The following CNTNAP5 variants were observed in gnomAD, a reference collection of about 807,000 sequenced individuals.
The protein encoded by CNTNAP5 is contactin associated protein family member 5, also known as contactin-associated protein-like 5.
Under a neutral mutation model 150.2 loss-of-function variants are expected in CNTNAP5, and 72 were observed. The ratio of observed to expected loss-of-function variants is 0.48; its 90% confidence interval spans 0.40 to 0.58. The LOEUF (loss-of-function observed/expected upper bound fraction) is 0.58. Ranked by LOEUF, CNTNAP5 falls within the 20% of genes least tolerant of loss-of-function variation. The pLI is 0.00. For missense variants in CNTNAP5, 1,636 were observed against 1,626.2 expected (o/e 1.01, Z -0.10); for synonymous variants, 672 against 619.8 (o/e 1.08, Z -1.25).
In CNTNAP5 at chr2:124,918,320, C is replaced by A. The variant is rs139077320; in HGVS notation, c.*4032C>A. Among the ~76,000 whole-genome samples, 279 of 152,140 alleles carry A rather than the reference C, an allele frequency of 1.8e-3. 2 individuals carry two copies. The highest frequency in any genetic ancestry group is 6.4e-3 in the African/African-American group (264 of 41,536). ...AAAACCCTCCTTAGTCCTGATGAGC[C>A]ATTTTGACTCTACATAACATTTCTG... On this transcript the variant is annotated 3_prime_UTR_variant, in exon 24 of 24. Transcript: ENST00000682447.
chr2:124,430,871 C>T (rs576359848), intron 4 of CNTNAP5, among the ~76,000 whole-genome samples: 9 of 152,302 alleles, frequency 5.9e-5, no homozygotes, highest in Admixed American at 3.9e-4. Flanking sequence ...TGAAAATCTT[C>T]ACTACTGAGT....
chr2:124,445,011 CCTTTAAA>C (rs1398741160), intron 5 of CNTNAP5, among the ~76,000 whole-genome samples: 2 of 152,008 alleles, frequency 1.3e-5, no homozygotes, highest in Non-Finnish European at 2.9e-5. Flanking sequence ...GGACAGTATA[CCTTTAAA>C]CTCTATGTCT....
Position 124,767,418 on chromosome 2 carries a change from T to C in CNTNAP5, c.2533+3271T>C, listed in dbSNP as rs181990431. On this transcript the variant is annotated intron_variant, in intron 16 of 23. Coordinates refer to ENST00000682447, the MANE Select transcript of CNTNAP5 (RefSeq NM_001367498.1). ...TGTTTTAGTGGGCCTGTGAAAACGA[T>C]AACTATTTTGATACCTATCTCACAA... 1.4e-3 allele frequency among the ~76,000 whole-genome samples: 210 copies of C among 152,316 alleles called. 1 individual carries two copies. The highest frequency in any genetic ancestry group is 4.7e-3 in the African/African-American group (197 of 41,580).
intron 3 of CNTNAP5, among the ~76,000 whole-genome samples, chr2:124,389,709 G>A (rs1460947048): frequency 1.3e-5 from 2 of 152,162 alleles, no homozygotes; most frequent in African/African-American, 4.8e-5. Flanking sequence ...GCTCATGCCT[G>A]TAATCCTAGC....
At chr2:124,519,674 C>A (rs1694809798) in intron 8 of CNTNAP5, among the ~76,000 whole-genome samples, 1 of 152,208 alleles carries the variant, frequency 6.6e-6, no homozygotes, top group African/African-American at 2.4e-5. Context: ...AAGTGCCTGG[C>A]ACATTATAGG....
intron 8 of CNTNAP5, among the ~76,000 whole-genome samples, chr2:124,504,937 ACCTTGTGATCTGCCCG>A (rs1694369166): frequency 1.3e-5 from 2 of 152,006 alleles, no homozygotes; most frequent in African/African-American, 4.8e-5. Flanking sequence ...GCATCTCTTG[ACCTTGTGATCTGCCCG>A]CCTTGGGCTC....
chr2:124,795,829 T>G (rs1681833510), intron 18 of CNTNAP5, among the ~76,000 whole-genome samples: 1 of 152,116 alleles, frequency 6.6e-6, no homozygotes, highest in African/African-American at 2.4e-5. Context: ...GGTGTTTGTT[T>G]TTTTTAAAAT....
At chr2:124,815,557 C>G (rs1016760968) in intron 19 of CNTNAP5, among the ~76,000 whole-genome samples, 2 of 152,156 alleles carry the variant, frequency 1.3e-5, no homozygotes, top group African/African-American at 4.8e-5. Context: ...TGTATTGCAT[C>G]AGTCATGTCT....
At chr2:124,064,370 A>T (rs539829766) in intron 1 of CNTNAP5, among the ~76,000 whole-genome samples, 2 of 152,170 alleles carry the variant, frequency 1.3e-5, no homozygotes, top group South Asian at 4.1e-4. Flanking sequence ...ACAAGGATCC[A>T]TTGCCTTTTT....
intron 4 of CNTNAP5, among the ~76,000 whole-genome samples, chr2:124,423,763 C>A (rs189320599): frequency 0.031 from 4,087 of 131,046 alleles, 104 homozygotes; most frequent in South Asian, 0.13. Context: ...CTCCCAGGTT[C>A]ACGCCATTCT....
intron 8 of CNTNAP5, among the ~76,000 whole-genome samples, chr2:124,511,724 T>G (rs373593023): frequency 6.6e-6 from 1 of 152,142 alleles, no homozygotes; most frequent in South Asian, 2.1e-4. Flanking sequence ...TGATTGGGAG[T>G]ACCCAGGGCC....
intron 13 of CNTNAP5, among the ~76,000 whole-genome samples, chr2:124,653,806 G>T (rs1374675296): frequency 1.3e-5 from 2 of 151,542 alleles, no homozygotes; most frequent in Non-Finnish European, 2.9e-5. Context: ...TTGAGTATCT[G>T]TTTTGTGCCA....
chr2:124,084,671 T>C (rs1486076458), intron 1 of CNTNAP5, among the ~76,000 whole-genome samples: 2 of 152,138 alleles, frequency 1.3e-5, no homozygotes, highest in African/African-American at 4.8e-5. Context: ...CTTGCATATA[T>C]GTGTTTACAT....
chr2:124,707,060 G>GAGGAGAAGGAGGAGGAGGAGAAGAAGA (rs1679683945), intron 13 of CNTNAP5, among the ~76,000 whole-genome samples: 1 of 94,418 alleles, frequency 1.1e-5, no homozygotes, highest in Non-Finnish European at 2.4e-5. Context: ...GGAGGAGGAG[G>GAGGAGAAGGAGGAGGAGGAGAAGAAGA]AGAGGAAGAG....
chr2:124,393,050 A>G (rs1037835887), intron 3 of CNTNAP5, among the ~76,000 whole-genome samples: 7 of 152,212 alleles, frequency 4.6e-5, no homozygotes, highest in African/African-American at 1.7e-4. Context: ...TGCAATCCCA[A>G]AATTTTCTGT....
chr2:124,115,179 A>C (rs933699546), intron 1 of CNTNAP5, among the ~76,000 whole-genome samples: 4 of 152,170 alleles, frequency 2.6e-5, no homozygotes, highest in African/African-American at 9.7e-5. Context: ...CATATATAGA[A>C]ATGTGCAAAA....
At chr2:124,067,531 A>G (rs1682191572) in intron 1 of CNTNAP5, among the ~76,000 whole-genome samples, 1 of 152,218 alleles carries the variant, frequency 6.6e-6, no homozygotes, top group Non-Finnish European at 1.5e-5. Context: ...AACCCTGGAT[A>G]ATCTTCCCAT....
chr2:124,802,132 A>C (rs1022014353), intron 19 of CNTNAP5, among the ~76,000 whole-genome samples: 1 of 152,152 alleles, frequency 6.6e-6, no homozygotes, highest in Non-Finnish European at 1.5e-5. Context: ...GTTGTGCACA[A>C]TGGCTCTAAT....
At chr2:124,054,146 C>CA (rs1256537256) in intron 1 of CNTNAP5, among the ~76,000 whole-genome samples, 6 of 152,110 alleles carry the variant, frequency 3.9e-5, no homozygotes, top group Middle Eastern at 3.4e-3. Flanking sequence ...AAACAGAGGC[C>CA]AAAAAATCCC....
Sources: gnomAD v4.1 joint callset for allele counts (sites outside exome capture counted in the v4.1 genomes callset) on GRCh38, gnomAD v4.1.1 for gene constraint, MANE v1.5 for transcripts, NCBI Gene and HGNC (gene_info 2026-07-23, HGNC 2026-07-21) for gene names.